The following ZNF189 variants were observed in gnomAD, a reference collection of about 807,000 sequenced individuals.
The protein encoded by ZNF189 is zinc finger protein 189.
In ZNF189, 33 loss-of-function variants were observed where a neutral mutation model predicts 53.5. That is an observed-to-expected ratio of 0.62 (90% CI 0.47 to 0.82). The LOEUF (loss-of-function observed/expected upper bound fraction) is 0.82. Ranked by LOEUF, ZNF189 falls within the 40% of genes least tolerant of loss-of-function variation. The pLI is 0.00. For missense variants in ZNF189, 711 were observed against 753.9 expected (o/e 0.94, Z 0.67); for synonymous variants, 247 against 238.8 (o/e 1.03, Z -0.32).
chr9:101,409,876 A>C lies in ZNF189; in HGVS notation c.*227A>C. Reference sequence around the variant, plus strand: ...CTTGGTAATTTATCTAAGTATCTTTAATAAATCTTTCAGCAGAGAGATTAA... The same window carrying C: ...CTTGGTAATTTATCTAAGTATCTTTCATAAATCTTTCAGCAGAGAGATTAA... On this transcript the variant is annotated 3_prime_UTR_variant, in exon 3 of 3. Transcript: ENST00000339664. 2 of 503,650 alleles carry C rather than the reference A, an allele frequency of 4.0e-6. No individual in the cohort carries two copies. The highest frequency in any genetic ancestry group is 6.9e-6 in the Non-Finnish European group (2 of 291,704). The allele number at this position is 503,650 out of a possible 1,614,324, so 31.2% of individuals were successfully genotyped here.
At chr9:101,407,881 G>T in intron 2 of ZNF189, 48 bp from the exon 3 acceptor site, 13 of 1,440,546 alleles carry the variant, frequency 9.0e-6, no homozygotes, top group South Asian at 1.6e-5. Flanking sequence ...GTTTCTCCTT[G>T]CTTCAAAGAC....
intron 2 of ZNF189, chr9:101,407,606 G>A (rs979209295): frequency 1.9e-5 from 8 of 410,392 alleles, no homozygotes; most frequent in Non-Finnish European, 3.0e-5. Flanking sequence ...TGTTGCCCAG[G>A]CTGGTCTCAA....
chr9:101,409,391 A>G lies in ZNF189; in HGVS notation c.1623A>G (p.Lys541=), dbSNP rs757785284. 6.2e-7 allele frequency: 1 copy of G among 1,614,170 alleles called. No homozygotes were observed. The highest frequency in any genetic ancestry group is 2.2e-5 in the East Asian group (1 of 44,870). The part of the protein sequence containing the change: ...QGVHTGNKPH[K]CDECGKAFSR... ...TTCACACAGGTAATAAACCCCATAAATGTGATGAATGTGGAAAGGCCTTTA... is the reference window on the plus strand; with the variant it reads ...TTCACACAGGTAATAAACCCCATAAGTGTGATGAATGTGGAAAGGCCTTTA... The change falls in exon 3 of 3, where the codon AAA becomes AAG. Residue 541 remains lysine (K), a synonymous_variant. Coordinates refer to ENST00000339664, the MANE Select transcript of ZNF189 (RefSeq NM_003452.4).
At position 101,398,860 on chromosome 9, in the gene ZNF189, G is replaced by A. The variant is rs1830416285; in HGVS notation, c.-297G>A. 2 of 569,848 alleles carry A rather than the reference G, an allele frequency of 3.5e-6. No homozygotes were observed. Among genetic ancestry groups the A allele is most frequent in the Admixed American group, 3.1e-5 (1 of 32,688 alleles). The allele number at this position is 569,848 out of a possible 1,614,324, so 35.3% of individuals were successfully genotyped here. On this transcript the variant is annotated 5_prime_UTR_variant, in exon 1 of 3. Coordinates refer to ENST00000339664, the MANE Select transcript of ZNF189 (RefSeq NM_003452.4). ...TGGTCCGGGGGCGGGCGGTCATAGC[G>A]TTACTTGGCTGCAAGGAGGAGGAAC...
intron 2 of ZNF189, among the ~76,000 whole-genome samples, chr9:101,401,093 T>G (rs1830514680): frequency 6.6e-6 from 1 of 152,250 alleles, no homozygotes; most frequent in South Asian, 2.1e-4. Context: ...GTATTTGTTA[T>G]AAAATTCACC....
intron 2 of ZNF189, among the ~76,000 whole-genome samples, chr9:101,401,895 G>C (rs1172574719): frequency 6.6e-6 from 1 of 150,444 alleles, no homozygotes; most frequent in Admixed American, 6.7e-5. Flanking sequence ...CAGGTCATCA[G>C]CTACCGCTCT....
chr9:101,407,342 C>T (rs1333812994), intron 2 of ZNF189: 3 of 397,026 alleles, frequency 7.6e-6, no homozygotes, highest in Non-Finnish European at 1.3e-5. Context: ...ATTATTGTTT[C>T]CCCTGGATCT....
At position 101,398,881 on chromosome 9, in the gene ZNF189, G is replaced by A. The variant is rs1204409613; in HGVS notation, c.-276G>A. ...TAGCGTTACTTGGCTGCAAGGAGGA[G>A]GAACTGGCAGCGGGGAGGAGGCTCT... On this transcript the variant is annotated 5_prime_UTR_variant, in exon 1 of 3. Transcript: ENST00000339664. 1.7e-6 allele frequency: 1 copy of A among 589,304 alleles called. No individual in the cohort carries two copies. Among genetic ancestry groups the A allele is most frequent in the Non-Finnish European group, 3.0e-6 (1 of 331,734 alleles). 36.5% of individuals were successfully genotyped at this position (589,304 alleles called of 1,614,324 possible). A position where few individuals can be genotyped will look rare whatever the true frequency, so the allele number is the denominator to read the frequency against.
intron 1 of ZNF189, 124 bp downstream of exon 1, chr9:101,399,313 C>G: frequency 7.0e-7 from 1 of 1,436,482 alleles, no homozygotes; most frequent in Non-Finnish European, 9.2e-7. Context: ...CAGCGCCTTG[C>G]AAGGAACTCC....
At chr9:101,400,075 A>G in intron 2 of ZNF189, 65 bp downstream of exon 2, 1 of 1,579,940 alleles carries the variant, frequency 6.3e-7, no homozygotes, top group Non-Finnish European at 8.6e-7. Context: ...GACTAACAGA[A>G]CATTTGGACG....
chr9:101,399,253 T>G, intron 1 of ZNF189, 64 bp downstream of exon 1: 1 of 1,441,756 alleles, frequency 6.9e-7, no homozygotes. Flanking sequence ...GCCGCACCAC[T>G]GCTTTCTCCC....
intron 2 of ZNF189, among the ~76,000 whole-genome samples, chr9:101,403,632 T>G (rs2118211370): frequency 6.6e-6 from 1 of 152,370 alleles, no homozygotes; most frequent in African/African-American, 2.4e-5. Flanking sequence ...TTTTAATGAC[T>G]CTTTCCGCAA....
intron 2 of ZNF189, among the ~76,000 whole-genome samples, chr9:101,404,982 G>T (rs553308609): frequency 2.6e-4 from 39 of 151,296 alleles, no homozygotes; most frequent in Non-Finnish European, 3.9e-4. Flanking sequence ...CTTAAAGATT[G>T]CTTTGAATCT....
chr9:101,410,518 G>A lies in ZNF189; in HGVS notation c.*869G>A, dbSNP rs112816058. On this transcript the variant is annotated 3_prime_UTR_variant, in exon 3 of 3. Coordinates refer to ENST00000339664, the MANE Select transcript of ZNF189 (RefSeq NM_003452.4). ...TAGGAAGCTGAGATATTTTGGTATT[G>A]CATTGGTTTTTATGGTAACTAGGTT... 3 of 152,274 alleles carry A rather than the reference G, an allele frequency of 2.0e-5. No individual in the cohort carries two copies. Among genetic ancestry groups the A allele is most frequent in the African/African-American group, 7.2e-5 (3 of 41,566 alleles). 9.4% of individuals were successfully genotyped at this position (152,274 alleles called of 1,614,324 possible).
At position 101,409,614 on chromosome 9, in the gene ZNF189, C is replaced by G. The variant is rs1220762199; in HGVS notation, c.1846C>G (p.Gln616Glu). The G allele has an allele frequency of 5.6e-6, 9 of 1,611,662 alleles. No homozygotes were observed. The highest frequency in any genetic ancestry group is 1.3e-5 in the African/African-American group (1 of 74,686). ...EAFNCRISLI[Q>E]HQKLHTAWMQ ...CTTTAATTGCCGTATTTCTCTTATT[C>G]AGCATCAGAAATTGCACACAGCATG... The change falls in exon 3 of 3, where the codon CAG becomes GAG. Residue 616 changes from glutamine to glutamate, a missense_variant. Physicochemically the swap from Gln to Glu is conservative, Grantham distance 29 (BLOSUM62 2). Transcript: ENST00000339664.
intron 2 of ZNF189, among the ~76,000 whole-genome samples, chr9:101,402,473 GTCA>G: frequency 6.6e-6 from 1 of 152,300 alleles, no homozygotes; most frequent in Non-Finnish European, 1.5e-5. Flanking sequence ...TTATATTGTT[GTCA>G]TCATCTTCTC....
intron 2 of ZNF189, among the ~76,000 whole-genome samples, chr9:101,405,075 A>T (rs1173835988): frequency 6.6e-6 from 1 of 152,218 alleles, no homozygotes. Flanking sequence ...GAAAGACTGT[A>T]ACACAAACAA....
Position 101,409,920 on chromosome 9 carries a change from GGT to G in ZNF189, c.*273_*274del. On this transcript the variant is annotated 3_prime_UTR_variant, in exon 3 of 3. Transcript: ENST00000339664. ...AGATTAAACCTAGGTTCAGAGCATGGGTGCTCTGAGGGACAAAGTTGGATTAG... is the reference window on the plus strand; with the variant it reads ...AGATTAAACCTAGGTTCAGAGCATGGGCTCTGAGGGACAAAGTTGGATTAG... The G allele has an allele frequency of 5.9e-6, 2 of 337,146 alleles. No individual in the cohort carries two copies. Among genetic ancestry groups the G allele is most frequent in the Non-Finnish European group, 5.4e-6 (1 of 184,980 alleles). 20.9% of individuals were successfully genotyped at this position (337,146 alleles called of 1,614,324 possible).
rs763558853 is a variant in ZNF189 at position 101,408,636 on chromosome 9, T to G, written c.868T>G (p.Cys290Gly). 3 of 1,614,098 alleles carry G rather than the reference T, an allele frequency of 1.9e-6. No homozygotes were observed. The highest frequency in any genetic ancestry group is 2.5e-6 in the Non-Finnish European group (3 of 1,180,020). Reference protein sequence around the residue: ...RTHTGEKPYHCTKCKKSFSRN... With the variant: ...RTHTGEKPYHGTKCKKSFSRN... ...TCACACTGGTGAGAAACCTTATCAC[T>G]GTACCAAATGTAAGAAGAGCTTTAG... The change falls in exon 3 of 3, where the codon TGT (cysteine) becomes GGT (glycine). Residue 290 changes from cysteine (C) to glycine (G), a missense_variant. By Grantham distance (159) the Cys-to-Gly change is radical (BLOSUM62 -3). Transcript: ENST00000339664.
Sources: gnomAD v4.1 joint callset for allele counts (sites outside exome capture counted in the v4.1 genomes callset) on GRCh38, gnomAD v4.1.1 for gene constraint, MANE v1.5 for transcripts, NCBI Gene and HGNC (gene_info 2026-07-23, HGNC 2026-07-21) for gene names.